The following MAN1C1 variants were observed in gnomAD, a reference collection of about 807,000 sequenced individuals.
The protein encoded by MAN1C1 is mannosidase alpha class 1C member 1.
Under a neutral mutation model 71.5 loss-of-function variants are expected in MAN1C1, and 49 were observed. The ratio of observed to expected loss-of-function variants is 0.69; its 90% CI spans 0.54 to 0.87. The LOEUF is 0.87. Ranked by LOEUF, MAN1C1 falls within the 40% of genes least tolerant of loss-of-function variation. MAN1C1 has a pLI of 0.00. For missense variants in MAN1C1, 743 were observed against 835.0 expected, an observed-to-expected ratio of 0.89 and a Z score of 1.36; for synonymous variants, 352 against 343.7, an observed-to-expected ratio of 1.02 and a Z score of -0.27.
chr1:25,626,157 A>G (rs2045290204), intron 1 of MAN1C1, among the ~76,000 whole-genome samples: 1 of 152,206 alleles, frequency 6.6e-6, no homozygotes, highest in Non-Finnish European at 1.5e-5. Flanking sequence ...CTTTATAAGA[A>G]ACTGGAAGCG....
chr1:25,738,740 C>G (rs769912576), intron 2 of MAN1C1, among the ~76,000 whole-genome samples: 30 of 152,214 alleles, frequency 2.0e-4, no homozygotes, highest in Non-Finnish European at 3.8e-4. Flanking sequence ...AAAACTGATA[C>G]ATGGCTCTCT....
rs566381856 is a variant in MAN1C1 at position 25,683,395 on chromosome 1, C to T, written c.541-3045C>T. Among the ~76,000 whole-genome samples, 363 of 152,342 alleles carry T rather than the reference C, an allele frequency of 2.4e-3. 2 individuals are homozygous for T. Among genetic ancestry groups the T allele is most frequent in the African/African-American group, 8.0e-3 (333 of 41,578 alleles). On this transcript the variant is annotated intron_variant, in intron 1 of 11. Transcript: ENST00000374332. ...TGGTCCACGTTGAGTCTTCCAGCCACGTGTTAAGCTCCAGAGCCAATTCAG... is the reference window on the plus strand; with the variant it reads ...TGGTCCACGTTGAGTCTTCCAGCCATGTGTTAAGCTCCAGAGCCAATTCAG...
intron 1 of MAN1C1, among the ~76,000 whole-genome samples, chr1:25,640,764 A>C (rs1305800547): frequency 1.3e-5 from 2 of 152,148 alleles, no homozygotes; most frequent in East Asian, 3.9e-4. Flanking sequence ...ACTAATGTAC[A>C]CTCAGAGGCG....
At chr1:25,646,900 G>A (rs1010341517) in intron 1 of MAN1C1, among the ~76,000 whole-genome samples, 3 of 152,174 alleles carry the variant, frequency 2.0e-5, no homozygotes, top group African/African-American at 7.2e-5. Context: ...GGTTTTGGGT[G>A]GACATGTTTT....
At chr1:25,662,570 G>A (rs78550443) in intron 1 of MAN1C1, among the ~76,000 whole-genome samples, 6 of 151,628 alleles carry the variant, frequency 4.0e-5, no homozygotes, top group Admixed American at 2.0e-4. Flanking sequence ...GCACACATGC[G>A]CACACACACA....
At chr1:25,640,805 C>A (rs780760641) in intron 1 of MAN1C1, among the ~76,000 whole-genome samples, 14 of 152,140 alleles carry the variant, frequency 9.2e-5, no homozygotes, top group Non-Finnish European at 1.8e-4. Context: ...TATAATCATG[C>A]TAGGATATCT....
At chr1:25,757,673 G>A (rs1172040122) in intron 5 of MAN1C1, among the ~76,000 whole-genome samples, 2 of 152,316 alleles carry the variant, frequency 1.3e-5, no homozygotes, top group African/African-American at 2.4e-5. Flanking sequence ...TGGTTTGCCC[G>A]AGGGCTCCAG....
intron 1 of MAN1C1, among the ~76,000 whole-genome samples, chr1:25,639,284 T>C (rs1022160697): frequency 6.6e-5 from 10 of 152,332 alleles, no homozygotes; most frequent in African/African-American, 1.7e-4. Flanking sequence ...ATATTTATAA[T>C]AGCTTTTTAA....
intron 2 of MAN1C1, among the ~76,000 whole-genome samples, chr1:25,708,823 G>A (rs778690101): frequency 3.9e-5 from 6 of 152,110 alleles, no homozygotes; most frequent in Non-Finnish European, 5.9e-5. Flanking sequence ...GGTGGAGGTT[G>A]CAGTGAGCTG....
intron 1 of MAN1C1, among the ~76,000 whole-genome samples, chr1:25,676,567 A>G (rs993286550): frequency 9.2e-5 from 14 of 152,172 alleles, no homozygotes; most frequent in African/African-American, 3.1e-4. Context: ...AATCAACCCA[A>G]TGTTCTAAGC....
chr1:25,710,762 G>A, intron 2 of MAN1C1, among the ~76,000 whole-genome samples: 1 of 152,158 alleles, frequency 6.6e-6, no homozygotes, highest in East Asian at 1.9e-4. Flanking sequence ...GCTGCCCTTT[G>A]TTCAGAACCT....
At chr1:25,751,344 A>T (rs2047213482) in intron 4 of MAN1C1, among the ~76,000 whole-genome samples, 1 of 151,038 alleles carries the variant, frequency 6.6e-6, no homozygotes, top group African/African-American at 2.4e-5. Context: ...TCCTTCCATC[A>T]TTCTCCTTCC....
chr1:25,727,485 G>A (rs1428238067), intron 2 of MAN1C1, among the ~76,000 whole-genome samples: 3 of 152,238 alleles, frequency 2.0e-5, no homozygotes, highest in Non-Finnish European at 4.4e-5. Context: ...TGGGGGATAC[G>A]TGCAGGACAA....
intron 1 of MAN1C1, chr1:25,658,853 G>A (rs116273575): frequency 0.02 from 3,026 of 152,744 alleles, 105 homozygotes; most frequent in African/African-American, 0.068. Context: ...CCCCCAGCCC[G>A]TGCAGTTCCA....
At chr1:25,737,400 G>GC (rs150665016) in intron 2 of MAN1C1, among the ~76,000 whole-genome samples, 3,767 of 152,136 alleles carry the variant, frequency 0.025, 128 homozygotes, top group African/African-American at 0.083. Context: ...TGCCCATTTC[G>GC]CCCCCCCGAC....
At chr1:25,724,438 C>T (rs2046807336) in intron 2 of MAN1C1, among the ~76,000 whole-genome samples, 1 of 151,864 alleles carries the variant, frequency 6.6e-6, no homozygotes, top group Admixed American at 6.6e-5. Context: ...CTGTTCCACG[C>T]ATCTCTGCAT....
intron 2 of MAN1C1, among the ~76,000 whole-genome samples, chr1:25,699,042 C>T (rs2046403103): frequency 6.6e-6 from 1 of 151,858 alleles, no homozygotes; most frequent in Admixed American, 6.6e-5. Flanking sequence ...CGCAGTGCCT[C>T]ACGCCTATAA....
intron 8 of MAN1C1, among the ~76,000 whole-genome samples, chr1:25,772,811 G>A (rs561881847): frequency 6.6e-6 from 1 of 152,226 alleles, no homozygotes; most frequent in Admixed American, 6.5e-5. Flanking sequence ...CTTCACGCCT[G>A]CCTCTCTGCT....
In MAN1C1 at chr1:25,769,564, C is replaced by A. The variant is rs2124396815; in HGVS notation, c.1142-2093C>A. Among the ~76,000 whole-genome samples, 1 of 152,278 alleles carries A rather than the reference C, an allele frequency of 6.6e-6. No individual in the cohort carries two copies. The highest frequency in any genetic ancestry group is 1.9e-4 in the East Asian group (1 of 5,174). Reference sequence around the variant, plus strand: ...GGACCTTGTCACGCACACACTCCACCACCGCGTGATTGTGGCTAAACTCCT... The same window carrying A: ...GGACCTTGTCACGCACACACTCCACAACCGCGTGATTGTGGCTAAACTCCT... On this transcript the variant is annotated intron_variant, in intron 7 of 11. Transcript: ENST00000374332. This position sits in a 1 kb window ranked among gnomAD's most constrained non-coding sequence, Gnocchi z 4.8.
Sources: gnomAD v4.1 joint callset for allele counts (sites outside exome capture counted in the v4.1 genomes callset) on GRCh38, gnomAD v4.1.1 for gene constraint, Gnocchi (gnomAD v3.1) non-coding constraint, MANE v1.5 for transcripts, NCBI Gene and HGNC (gene_info 2026-07-23, HGNC 2026-07-21) for gene names.